The following ABHD18 variants were observed in gnomAD, a reference collection of about 807,000 sequenced individuals.
ABHD18 encodes the protein abhydrolase domain containing 18, also known as cardiolipin-specific deacylase, mitochondrial.
ABHD18 carries 55 observed loss-of-function variants against 65.9 expected under a neutral mutation model. The ratio of observed to expected loss-of-function variants is 0.84; its 90% CI spans 0.67 to 1.05. The LOEUF is 1.05. ABHD18 is among the 50% of genes least tolerant of loss of function. The pLI, the probability that ABHD18 is intolerant of heterozygous loss-of-function variation, is 0.00. For missense variants in ABHD18, 533 were observed against 558.5 expected, an observed-to-expected ratio of 0.95 and a Z score of 0.46; for synonymous variants, 181 against 180.2, an observed-to-expected ratio of 1.00 and a Z score of -0.04.
chr4:127,975,029 A>ACTT (rs111829979), intron 1 of ABHD18, among the ~76,000 whole-genome samples: 4,952 of 148,680 alleles, frequency 0.033, 287 homozygotes, highest in African/African-American at 0.12. Context: ...ATAGTGAACT[A>ACTT]CTGCTTACTG....
chr4:127,982,986 C>T lies in ABHD18; in HGVS notation c.31C>T (p.Arg11Trp), dbSNP rs750671699. MGVSKLDILY[R>W]RLLLTKLFIR... Reference sequence around the variant, plus strand: ...TGTGAGCAAGTTAGATATTCTATACCGGAGACTTCTCCTAACAAAACTTTT... The same window carrying T: ...TGTGAGCAAGTTAGATATTCTATACTGGAGACTTCTCCTAACAAAACTTTT... The change falls in exon 2 of 13, where the codon CGG becomes TGG. Residue 11 changes from arginine to tryptophan, a missense_variant. Arg to Trp is a moderately radical substitution (Grantham distance 101). This residue lies in a region of ABHD18 where 309 missense variants were observed against 313.5 expected (regional missense o/e 0.99). Coordinates refer to ENST00000645843, the MANE Select transcript of ABHD18 (RefSeq NM_001358451.3). The T allele has an allele frequency of 1.7e-5, 26 of 1,565,956 alleles. No homozygotes were observed. The highest frequency in any genetic ancestry group is 2.3e-5 in the East Asian group (1 of 42,812).
chr4:127,996,274 A>G (rs528537528), intron 4 of ABHD18, among the ~76,000 whole-genome samples: 1 of 152,320 alleles, frequency 6.6e-6, no homozygotes, highest in South Asian at 2.1e-4. Flanking sequence ...CAATATTTCA[A>G]CATACATTCT....
intron 4 of ABHD18, 69 bp from the exon 5 acceptor site, chr4:128,008,851 G>T: frequency 1.9e-6 from 2 of 1,060,824 alleles, no homozygotes; most frequent in Non-Finnish European, 2.7e-6. Flanking sequence ...AAAGTTTTAA[G>T]AACTGAAAGT....
chr4:128,018,013 G>A (rs916497719), intron 8 of ABHD18, among the ~76,000 whole-genome samples: 3 of 152,036 alleles, frequency 2.0e-5, no homozygotes, highest in East Asian at 3.9e-4. Flanking sequence ...GTTCTGTCTT[G>A]TTCAAAACCT....
Position 127,965,427 on chromosome 4 carries a change from C to T in ABHD18, c.-197C>T, listed in dbSNP as rs956103716. The T allele has an allele frequency of 2.0e-5, 11 of 552,166 alleles. No individual in the cohort carries two copies. Among genetic ancestry groups the T allele is most frequent in the Admixed American group, 9.3e-5 (3 of 32,120 alleles). 34.2% of individuals were successfully genotyped at this position (552,166 alleles called of 1,614,324 possible). On this transcript the variant is annotated 5_prime_UTR_variant, in exon 1 of 13. Transcript: ENST00000645843. ...GTCCAAACTGCCGCGCCGCCCTGCT[C>T]CGGGTTTGTCTTCCTCCCTCCGTTT... is the stretch of plus-strand genomic sequence containing the variant.
chr4:127,975,777 C>G (rs2149050193), intron 1 of ABHD18, among the ~76,000 whole-genome samples: 1 of 151,292 alleles, frequency 6.6e-6, no homozygotes, highest in East Asian at 1.9e-4. Flanking sequence ...ATATTTATGC[C>G]CATTTTATAG....
At chr4:127,979,156 G>A (rs1306849903) in intron 1 of ABHD18, among the ~76,000 whole-genome samples, 1 of 152,148 alleles carries the variant, frequency 6.6e-6, no homozygotes, top group Non-Finnish European at 1.5e-5. Context: ...AAAAGATGAG[G>A]TGGATCTGTA....
intron 1 of ABHD18, among the ~76,000 whole-genome samples, chr4:127,979,542 G>A (rs529140703): frequency 2.0e-5 from 3 of 152,068 alleles, no homozygotes; most frequent in South Asian, 2.1e-4. Context: ...GCGACAATGC[G>A]AGACTCTGTC....
At chr4:127,975,763 C>T (rs1017869606) in intron 1 of ABHD18, among the ~76,000 whole-genome samples, 2 of 152,058 alleles carry the variant, frequency 1.3e-5, no homozygotes, top group East Asian at 1.9e-4. Context: ...TCAATATTTG[C>T]ATTATATTTA....
At chr4:128,033,524 C>CTTTT (rs869099600) in intron 12 of ABHD18, among the ~76,000 whole-genome samples, 49 of 108,630 alleles carry the variant, frequency 4.5e-4, no homozygotes, top group East Asian at 2.3e-3. Flanking sequence ...CAAAGATAGT[C>CTTTT]TTTTTTTTTT....
At chr4:128,016,339 A>G (rs1230293636) in intron 7 of ABHD18, among the ~76,000 whole-genome samples, 1 of 152,126 alleles carries the variant, frequency 6.6e-6, no homozygotes, top group Non-Finnish European at 1.5e-5. Flanking sequence ...AAACATGTAT[A>G]TTTATAAAAA....
chr4:128,022,584 C>A (rs992583378), intron 10 of ABHD18, among the ~76,000 whole-genome samples: 1 of 152,030 alleles, frequency 6.6e-6, no homozygotes, highest in African/African-American at 2.4e-5. Flanking sequence ...TCTATTATTT[C>A]TTTTTCATGT....
intron 1 of ABHD18, among the ~76,000 whole-genome samples, chr4:127,969,945 C>T (rs932738604): frequency 2.6e-5 from 4 of 152,010 alleles, no homozygotes; most frequent in Non-Finnish European, 5.9e-5. Context: ...GACAGGGTCT[C>T]ATTGTGTTGC....
chr4:127,991,322 G>C (rs1016916399), intron 4 of ABHD18, among the ~76,000 whole-genome samples: 22 of 152,304 alleles, frequency 1.4e-4, no homozygotes, highest in African/African-American at 5.3e-4. Flanking sequence ...CGCCTCCCGG[G>C]TTCAGGTGAT....
Position 128,013,977 on chromosome 4 carries a change from C to CTTT in ABHD18, c.470+2298_470+2300dup, listed in dbSNP as rs61303818. Among the ~76,000 whole-genome samples, 228 of 115,092 alleles carry CTTT rather than the reference C, an allele frequency of 2.0e-3. 2 individuals are homozygous for CTTT. The highest frequency in any genetic ancestry group is 5.3e-3 in the African/African-American group (162 of 30,478). 75.5% of individuals were successfully genotyped at this position (115,092 alleles called of 152,430 possible). The stretch of plus-strand genomic sequence containing the variant: ...AGCTAAGTAGTTGAAGAATTTCCAC[C>CTTT]TTTTTTTTTTTTTTTTTTTTTTTGA... On this transcript the variant is annotated intron_variant, in intron 7 of 12. Transcript: ENST00000645843.
intron 1 of ABHD18, among the ~76,000 whole-genome samples, chr4:127,976,773 G>A (rs1393277241): frequency 6.6e-6 from 1 of 152,170 alleles, no homozygotes; most frequent in Non-Finnish European, 1.5e-5. Context: ...CAGGCGCTGT[G>A]GCTCACGTCC....
chr4:128,026,300 A>AAC (rs1757344195), intron 10 of ABHD18, among the ~76,000 whole-genome samples: 2 of 150,170 alleles, frequency 1.3e-5, no homozygotes, highest in Non-Finnish European at 3.0e-5. Flanking sequence ...ACAACAACAA[A>AAC]AAAAAAAAAT....
At chr4:127,979,757 A>G (rs1298760349) in intron 1 of ABHD18, among the ~76,000 whole-genome samples, 6 of 152,094 alleles carry the variant, frequency 3.9e-5, no homozygotes, top group Non-Finnish European at 8.8e-5. Flanking sequence ...ATCTACTAAA[A>G]ATACAAAAAT....
chr4:127,966,180 C>G (rs1345009021), intron 1 of ABHD18: 2 of 152,176 alleles, frequency 1.3e-5, no homozygotes, highest in Non-Finnish European at 2.9e-5. Flanking sequence ...GTATTAACAT[C>G]TTATCTCTAC....
Sources: gnomAD v4.1 joint callset for allele counts (sites outside exome capture counted in the v4.1 genomes callset) on GRCh38, gnomAD v4.1.1 for gene constraint, gnomAD v4.1.1 regional missense constraint, MANE v1.5 for transcripts, NCBI Gene and HGNC (gene_info 2026-07-23, HGNC 2026-07-21) for gene names.